Variants in AMPH observed in about 807,000 individuals in gnomAD.
AMPH encodes amphiphysin.
A neutral mutation model predicts 99.1 loss-of-function variants in AMPH; 49 were observed. That is an observed-to-expected ratio of 0.49 (90% CI 0.39 to 0.63). AMPH has a LOEUF of 0.63. Ranked by LOEUF, AMPH falls within the 20% of genes least tolerant of loss-of-function variation. The pLI is 0.00. For synonymous variants in AMPH, 314 were observed against 317.3 expected, an observed-to-expected ratio of 0.99 and a Z score of 0.11; for missense variants, 759 against 863.4, an observed-to-expected ratio of 0.88 and a Z score of 1.52.
At chr7:38,621,568 G>A (rs1794064084) in intron 1 of AMPH, among the ~76,000 whole-genome samples, 1 of 152,018 alleles carries the variant, frequency 6.6e-6, no homozygotes, top group South Asian at 2.1e-4. Context: ...ATGGGTCTAT[G>A]CATATTTTAT....
intron 1 of AMPH, among the ~76,000 whole-genome samples, chr7:38,595,819 T>C (rs1018574132): frequency 7.9e-5 from 12 of 152,232 alleles, no homozygotes; most frequent in African/African-American, 2.9e-4. Context: ...CATGCAGTAT[T>C]TGGTTTTCTG....
intron 1 of AMPH, among the ~76,000 whole-genome samples, chr7:38,602,493 C>T (rs1205920149): frequency 6.6e-6 from 1 of 152,122 alleles, no homozygotes; most frequent in African/African-American, 2.4e-5. Flanking sequence ...GCCCATATTC[C>T]TTGGCGCATG....
intron 17 of AMPH, among the ~76,000 whole-genome samples, chr7:38,406,797 C>G: frequency 7.6e-6 from 1 of 132,360 alleles, no homozygotes; most frequent in Non-Finnish European, 1.6e-5. Context: ...CCTGCTTTCT[C>G]TCCTACTGCC....
Position 38,391,744 on chromosome 7 carries a change from A to G in AMPH, c.1878+4T>C. 2.5e-6 allele frequency: 4 copies of G among 1,611,494 alleles called. No homozygotes were observed. Among genetic ancestry groups the G allele is most frequent in the Non-Finnish European group, 3.4e-6 (4 of 1,179,310 alleles). Reference sequence around the variant, plus strand: ...GATAAATGAGACTTAAAAAATAAGAATACCTTGTAGAGAAAGCCAGGAGGC... The same window carrying G: ...GATAAATGAGACTTAAAAAATAAGAGTACCTTGTAGAGAAAGCCAGGAGGC... On this transcript the variant is annotated splice_donor_region_variant and intron_variant, in intron 19 of 20. Transcript: ENST00000356264.
At chr7:38,458,441 C>T (rs899094681) in intron 11 of AMPH, among the ~76,000 whole-genome samples, 5 of 152,082 alleles carry the variant, frequency 3.3e-5, no homozygotes, top group Non-Finnish European at 5.9e-5. Flanking sequence ...TCATGATAAA[C>T]ATAAATGCAA....
intron 7 of AMPH, 99 bp from the exon 8 acceptor site, chr7:38,466,347 T>C: frequency 7.7e-6 from 7 of 903,960 alleles, no homozygotes; most frequent in Non-Finnish European, 1.2e-5. Flanking sequence ...CCCAGGTTTC[T>C]TTTACACCAT....
At chr7:38,620,975 C>T (rs1287624246) in intron 1 of AMPH, among the ~76,000 whole-genome samples, 2 of 152,170 alleles carry the variant, frequency 1.3e-5, no homozygotes, top group African/African-American at 2.4e-5. Context: ...GTCCACTTTG[C>T]CTAGTTAAAT....
At position 38,394,343 on chromosome 7, in the gene AMPH, G is replaced by A. The variant is rs867522868; in HGVS notation, c.1399-129C>T. On this transcript the variant is annotated intron_variant, in intron 17 of 20. Transcript: ENST00000356264. ...ATTTGGAACATTCTTTGCACTCCCAGGATTTAGGTACAGCAGAATCTGCCA... is the reference window on the plus strand; with the variant it reads ...ATTTGGAACATTCTTTGCACTCCCAAGATTTAGGTACAGCAGAATCTGCCA... The A allele has an allele frequency of 1.7e-5, 16 of 936,692 alleles. 1 individual carries two copies. The Middle Eastern group carries it at 2.7e-3, about 156-fold the overall frequency. 58.0% of individuals were successfully genotyped at this position (936,692 alleles called of 1,614,324 possible). A position where few individuals can be genotyped will look rare whatever the true frequency, so the allele number is the denominator to read the frequency against.
At chr7:38,572,364 G>A (rs547141047) in intron 1 of AMPH, among the ~76,000 whole-genome samples, 90 of 152,294 alleles carry the variant, frequency 5.9e-4, no homozygotes, top group African/African-American at 2.0e-3. Context: ...ATGCTATACA[G>A]CCCTGGTGTA....
chr7:38,385,738 G>T (rs1288119458), intron 20 of AMPH, among the ~76,000 whole-genome samples: 1 of 152,174 alleles, frequency 6.6e-6, no homozygotes, highest in Non-Finnish European at 1.5e-5. Context: ...TCCATATATG[G>T]TCATGCAGAA....
At chr7:38,464,233 A>G (rs1787565306) in intron 9 of AMPH, 2 of 811,282 alleles carry the variant, frequency 2.5e-6, no homozygotes, top group African/African-American at 1.8e-5. Context: ...ATGTAAGGGA[A>G]CAACCCTAAA....
At chr7:38,465,633 T>C in intron 8 of AMPH, 84 bp from the exon 9 acceptor site, 1 of 1,226,972 alleles carries the variant, frequency 8.2e-7, no homozygotes, top group Non-Finnish European at 1.2e-6. Context: ...AAGAAATTGC[T>C]TATTGAGAAG....
chr7:38,531,810 AATAT>A (rs1174201096), intron 2 of AMPH, among the ~76,000 whole-genome samples: 1 of 152,148 alleles, frequency 6.6e-6, no homozygotes, highest in African/African-American at 2.4e-5. Context: ...TGGGATATAA[AATAT>A]ATATACTCGT....
intron 1 of AMPH, among the ~76,000 whole-genome samples, chr7:38,618,727 T>C (rs2129069537): frequency 6.6e-6 from 1 of 152,094 alleles, no homozygotes; most frequent in South Asian, 2.1e-4. Flanking sequence ...GGGCAACCAC[T>C]AAGAAAATAA....
chr7:38,585,768 C>G (rs774316108), intron 1 of AMPH, among the ~76,000 whole-genome samples: 1 of 152,168 alleles, frequency 6.6e-6, no homozygotes, highest in Non-Finnish European at 1.5e-5. Flanking sequence ...CATTTTTCAC[C>G]ATTTGAGTGT....
chr7:38,555,727 G>A (rs1791338858), intron 1 of AMPH, among the ~76,000 whole-genome samples: 1 of 152,198 alleles, frequency 6.6e-6, no homozygotes, highest in Non-Finnish European at 1.5e-5. Flanking sequence ...TGAAGGCTAT[G>A]AGCAAGTATG....
chr7:38,597,959 A>G (rs1027883298), intron 1 of AMPH, among the ~76,000 whole-genome samples: 7 of 152,164 alleles, frequency 4.6e-5, no homozygotes, highest in African/African-American at 1.4e-4. Flanking sequence ...CATTTATTTT[A>G]TCTTCCTCAC....
At chr7:38,489,357 G>A (rs950653528) in intron 5 of AMPH, among the ~76,000 whole-genome samples, 2 of 151,096 alleles carry the variant, frequency 1.3e-5, no homozygotes, top group Non-Finnish European at 3.0e-5. Flanking sequence ...ATGGATTAAA[G>A]ACCTGAATTG....
chr7:38,460,213 A>C (rs2129007627), intron 11 of AMPH, among the ~76,000 whole-genome samples: 1 of 152,316 alleles, frequency 6.6e-6, no homozygotes, highest in East Asian at 1.9e-4. Context: ...GGATATGGAG[A>C]AAAAGGAACT....
Sources: gnomAD v4.1 joint callset for allele counts (sites outside exome capture counted in the v4.1 genomes callset) on GRCh38, gnomAD v4.1.1 for gene constraint, MANE v1.5 for transcripts, NCBI Gene and HGNC (gene_info 2026-07-23, HGNC 2026-07-21) for gene names.